The following MAU2 variants were observed in gnomAD, a reference collection of about 807,000 sequenced individuals.
MAU2 encodes the protein MAU2 chromatid cohesion factor homolog.
A neutral mutation model predicts 89.1 loss-of-function variants in MAU2; 9 were observed. That is an observed-to-expected ratio of 0.10 (90% CI 0.06 to 0.18). The LOEUF is 0.18. MAU2 is among the 10% of genes least tolerant of loss of function. The probability of loss-of-function intolerance (pLI) is 1.00; values close to 1 mark genes in which losing one functional copy is unlikely to be tolerated. For synonymous variants in MAU2, 357 were observed against 343.4 expected, an observed-to-expected ratio of 1.04 and a Z score of -0.44; for missense variants, 425 against 803.5, an observed-to-expected ratio of 0.53 and a Z score of 5.69.
At chr19:19,342,124 GGGGCCTCA>G (rs2061653777) in intron 7 of MAU2, among the ~76,000 whole-genome samples, 1 of 152,106 alleles carries the variant, frequency 6.6e-6, no homozygotes, top group Non-Finnish European at 1.5e-5. Flanking sequence ...GACATCCCTC[GGGGCCTCA>G]GGGCGAGATG....
intron 5 of MAU2, among the ~76,000 whole-genome samples, chr19:19,339,271 A>G (rs2074091): frequency 0.58 from 87,945 of 151,878 alleles, 26,666 homozygotes; most frequent in East Asian, 0.67. Flanking sequence ...AACATGGTGA[A>G]ACCTGTTTCT....
At position 19,345,272 on chromosome 19, in the gene MAU2, C is replaced by A; in HGVS notation, c.1156-32C>A. 1 of 1,602,776 alleles carries A rather than the reference C, an allele frequency of 6.2e-7. No individual in the cohort carries two copies. Among genetic ancestry groups the A allele is most frequent in the Non-Finnish European group, 8.5e-7 (1 of 1,170,256 alleles). ...CTGATCTGAGCCCCCTCCCCAGGGG[C>A]CGGCCCTGATGACAACACCACCTTC... On this transcript the variant is annotated intron_variant, in intron 11 of 18. Coordinates refer to ENST00000262815, the MANE Select transcript of MAU2 (RefSeq NM_015329.4). The surrounding 1 kb of genome is among the most constrained non-coding windows in gnomAD (Gnocchi z 4.9).
chr19:19,341,823 G>A (rs540981922), intron 7 of MAU2, among the ~76,000 whole-genome samples: 1 of 152,170 alleles, frequency 6.6e-6, no homozygotes, highest in Non-Finnish European at 1.5e-5. Context: ...AGCCATGTCC[G>A]AGACTGGACT....
At position 19,325,407 on chromosome 19, in the gene MAU2, G is replaced by A. The variant is rs147419094; in HGVS notation, c.276+4272G>A. Among the ~76,000 whole-genome samples, 40 of 152,088 alleles carry A rather than the reference G, an allele frequency of 2.6e-4. No homozygotes were observed. The East Asian group carries it at 7.0e-3, about 27-fold the overall frequency. On this transcript the variant is annotated intron_variant, in intron 1 of 18. Coordinates refer to ENST00000262815, the MANE Select transcript of MAU2 (RefSeq NM_015329.4). Reference sequence around the variant, plus strand: ...GTCAGGCTGGCCTTGAACTCCTGACGTCAGGTGATCCACCCGCCTTGGCCT... The same window carrying A: ...GTCAGGCTGGCCTTGAACTCCTGACATCAGGTGATCCACCCGCCTTGGCCT...
At position 19,343,889 on chromosome 19, in the gene MAU2, C is replaced by T. The variant is rs1467060123; in HGVS notation, c.1026C>T (p.His342=). 1.9e-6 allele frequency: 3 copies of T among 1,613,578 alleles called. No homozygotes were observed. The highest frequency in any genetic ancestry group is 2.5e-6 in the Non-Finnish European group (3 of 1,180,040). The part of the protein sequence containing the change: ...LSSFQVILLE[H]IIMCRLVTGH... Reference sequence around the variant, plus strand: ...CCTTCCAAGTGATCCTGCTGGAGCACATCATCATGTGCCGCCTTGTCACGG... The same window carrying T: ...CCTTCCAAGTGATCCTGCTGGAGCATATCATCATGTGCCGCCTTGTCACGG... Residue 342 remains histidine (H), a synonymous_variant, in exon 10 of 19, where the codon CAC becomes CAT. Coordinates refer to ENST00000262815, the MANE Select transcript of MAU2 (RefSeq NM_015329.4).
chr19:19,347,942 C>T (rs1217781017), intron 13 of MAU2: 1 of 151,202 alleles, frequency 6.6e-6, no homozygotes, highest in African/African-American at 2.5e-5. Context: ...ATCCCCTCCT[C>T]AGCCCTGGGA....
chr19:19,330,782 T>G (rs1178404853), intron 1 of MAU2, among the ~76,000 whole-genome samples: 1 of 152,050 alleles, frequency 6.6e-6, no homozygotes, highest in Admixed American at 6.6e-5. Context: ...GCACCTGTAG[T>G]CCCAGCTACT....
At chr19:19,344,707 G>T in intron 10 of MAU2, 142 bp from the exon 11 acceptor site, 1 of 667,726 alleles carries the variant, frequency 1.5e-6, no homozygotes. Context: ...CCTCATGGTG[G>T]ACGTGTCTGC....
At chr19:19,326,726 A>ATG (rs2061511094) in intron 1 of MAU2, among the ~76,000 whole-genome samples, 2 of 133,044 alleles carry the variant, frequency 1.5e-5, no homozygotes, top group Non-Finnish European at 3.2e-5. Flanking sequence ...ATATACATAT[A>ATG]TATATATATA....
At chr19:19,323,948 T>C (rs1204667217) in intron 1 of MAU2, among the ~76,000 whole-genome samples, 1 of 152,244 alleles carries the variant, frequency 6.6e-6, no homozygotes, top group African/African-American at 2.4e-5. Flanking sequence ...GCCAAGATGA[T>C]ACATCATTAT....
chr19:19,329,188 A>G (rs2061535168), intron 1 of MAU2: 1 of 451,770 alleles, frequency 2.2e-6, no homozygotes, highest in African/African-American at 2.0e-5. Flanking sequence ...CTTCAGGATC[A>G]CAACTGTGTC....
chr19:19,326,907 G>T lies in MAU2; in HGVS notation c.276+5772G>T, dbSNP rs187785606. On this transcript the variant is annotated intron_variant, in intron 1 of 18. Transcript: ENST00000262815. Reference sequence around the variant, plus strand: ...ACCCTGTCTCAAAACTTTAAAAAAAGAATCCCCATCAGAGTCAAAGAGGGT... The same window carrying T: ...ACCCTGTCTCAAAACTTTAAAAAAATAATCCCCATCAGAGTCAAAGAGGGT... Among the ~76,000 whole-genome samples the T allele has an allele frequency of 3.6e-3, 542 of 150,068 alleles. 4 individuals carry two copies. The highest frequency in any genetic ancestry group is 0.01 in the Middle Eastern group (3 of 292).
intron 1 of MAU2, 93 bp from the exon 2 acceptor site, chr19:19,335,625 T>G: frequency 1.8e-5 from 24 of 1,343,406 alleles, no homozygotes; most frequent in Non-Finnish European, 2.6e-5. Flanking sequence ...CAGCCTCTGT[T>G]CTCAGGACAA....
intron 14 of MAU2, 86 bp from the exon 15 acceptor site, chr19:19,349,069 A>G: frequency 1.9e-6 from 3 of 1,558,476 alleles, no homozygotes; most frequent in Non-Finnish European, 2.6e-6. Flanking sequence ...GGGGGCTCTC[A>G]GAAATAGCCC....
rs61733824 is a variant in MAU2 at position 19,348,930 on chromosome 19, C to T, written c.1350C>T (p.Phe450=). 296 of 1,613,762 alleles carry T rather than the reference C, an allele frequency of 1.8e-4. 1 individual carries two copies. The African/African-American group carries it at 3.1e-3, about 17-fold the overall frequency. The part of the protein sequence containing the change: ...LLERINPDHS[F]PVSSHCLRAA... ...AGAGGATCAACCCGGACCACAGCTT[C>T]CCTGTCAGGTGAGCCGCTCCAGGCA... Residue 450 remains phenylalanine, a synonymous_variant, in exon 14 of 19, where the codon TTC becomes TTT. Transcript: ENST00000262815.
Position 19,348,944 on chromosome 19 carries a change from C to CCGG in MAU2, c.1358+8_1358+9insGCG, listed in dbSNP as rs2061718330. On this transcript the variant is annotated splice_region_variant and intron_variant, in intron 14 of 18. Transcript: ENST00000262815. ...GACCACAGCTTCCCTGTCAGGTGAG[C>CCGG]CGCTCCAGGCACCACTCCACGCACG... 6.2e-7 allele frequency: 1 copy of CCGG among 1,612,808 alleles called. No homozygotes were observed.
intron 2 of MAU2, 140 bp downstream of exon 2, chr19:19,335,875 C>G: frequency 1.0e-6 from 1 of 988,714 alleles, no homozygotes; most frequent in Non-Finnish European, 1.6e-6. Flanking sequence ...GTGTCCCCCA[C>G]CTGGCCCTCT....
chr19:19,352,617 C>CA (rs1379062403), intron 16 of MAU2: 1 of 152,294 alleles, frequency 6.6e-6, no homozygotes, highest in East Asian at 1.9e-4. Context: ...GTTAAAGTCA[C>CA]ACAGCCCCAG....
In MAU2 at chr19:19,348,969, G is replaced by A. The variant is rs369353780; in HGVS notation, c.1358+31G>A. ...CCGCTCCAGGCACCACTCCACGCAC[G>A]GCCTAGGCTCCCCGTGCTCTTTGGT... is the stretch of plus-strand genomic sequence containing the variant. On this transcript the variant is annotated intron_variant, in intron 14 of 18. Transcript: ENST00000262815. The A allele has an allele frequency of 4.0e-5, 65 of 1,609,414 alleles. 1 individual carries two copies. In the South Asian group the frequency reaches 5.6e-4, roughly 14 times the overall value.
Sources: gnomAD v4.1 joint callset for allele counts (sites outside exome capture counted in the v4.1 genomes callset) on GRCh38, gnomAD v4.1.1 for gene constraint, Gnocchi (gnomAD v3.1) non-coding constraint, MANE v1.5 for transcripts, NCBI Gene and HGNC (gene_info 2026-07-23, HGNC 2026-07-21) for gene names.